ACSM6: variants seen among roughly 807,000 people sequenced by gnomAD.
ACSM6 encodes acyl-CoA synthetase medium chain family member 6.
Under a neutral mutation model 51.1 loss-of-function variants are expected in ACSM6, and 35 were observed. The ratio of observed to expected loss-of-function variants is 0.69; its 90% CI spans 0.52 to 0.91. The LOEUF is 0.91. Among genes scored for constraint, ACSM6 ranks in the 40% least tolerant of loss-of-function variants. The pLI is 0.00. For missense variants in ACSM6, 509 were observed against 584.1 expected (o/e 0.87, Z 1.32); for synonymous variants, 172 against 207.3 (o/e 0.83, Z 1.46).
At chr10:95,195,674 C>A (rs984542503) in intron 2 of ACSM6, among the ~76,000 whole-genome samples, 2 of 152,170 alleles carry the variant, frequency 1.3e-5, no homozygotes, top group Non-Finnish European at 2.9e-5. Context: ...TATCTGATTG[C>A]CCCTCTATTC....
chr10:95,203,602 C>T (rs1401252819), intron 3 of ACSM6, among the ~76,000 whole-genome samples: 4 of 152,058 alleles, frequency 2.6e-5, no homozygotes, highest in Non-Finnish European at 5.9e-5. Flanking sequence ...AATCCTCCAA[C>T]ATAAACAGGA....
At chr10:95,214,820 G>A (rs1352764002) in intron 7 of ACSM6, 32 bp from the exon 8 acceptor site, 40 of 1,547,198 alleles carry the variant, frequency 2.6e-5, no homozygotes, top group Non-Finnish European at 3.4e-5. Flanking sequence ...AATATTCCCT[G>A]AGGCTAAGAA....
chr10:95,207,306 A>G, exon 4 of ACSM6: 1 of 1,614,094 alleles, frequency 6.2e-7, no homozygotes, highest in Non-Finnish European at 8.5e-7. Context: ...TAATGAAGCT[A>G]TGGCCCCAGT....
chr10:95,201,935 C>A, intron 2 of ACSM6, 50 bp from the exon 3 acceptor site: 1 of 1,504,024 alleles, frequency 6.6e-7, no homozygotes, highest in South Asian at 1.2e-5. Flanking sequence ...CCTCCCATAG[C>A]CAATGTCCAT....
intron 7 of ACSM6, 36 bp from the exon 8 acceptor site, chr10:95,214,816 C>A: frequency 6.5e-7 from 1 of 1,546,052 alleles, no homozygotes; most frequent in South Asian, 1.2e-5. Flanking sequence ...TAGAAATATT[C>A]CCTGAGGCTA....
intron 3 of ACSM6, among the ~76,000 whole-genome samples, chr10:95,206,428 C>A (rs1321758272): frequency 6.6e-6 from 1 of 151,974 alleles, no homozygotes; most frequent in Non-Finnish European, 1.5e-5. Context: ...AGGTTGTTTC[C>A]ACATTTGGGC....
chr10:95,212,622 T>C (rs2034904112), intron 6 of ACSM6, among the ~76,000 whole-genome samples: 1 of 152,162 alleles, frequency 6.6e-6, no homozygotes, highest in African/African-American at 2.4e-5. Context: ...TGTGTATGCA[T>C]TCGGTTATCA....
intron 8 of ACSM6, 118 bp downstream of exon 8, chr10:95,215,093 G>A: frequency 8.0e-7 from 1 of 1,254,486 alleles, no homozygotes; most frequent in East Asian, 2.6e-5. Context: ...TTAAGCACAG[G>A]AAGAGGAAAT....
intron 10 of ACSM6, among the ~76,000 whole-genome samples, chr10:95,227,884 A>G (rs1047115107): frequency 3.3e-5 from 5 of 152,196 alleles, no homozygotes; most frequent in Non-Finnish European, 5.9e-5. Flanking sequence ...CCTGGCCAAC[A>G]TGGCAAAACC....
At chr10:95,217,994 T>C (rs972681058) in intron 8 of ACSM6, among the ~76,000 whole-genome samples, 1 of 152,204 alleles carries the variant, frequency 6.6e-6, no homozygotes, top group Non-Finnish European at 1.5e-5. Context: ...ATCCAAAGAG[T>C]TGACATTTTC....
exon 3 of ACSM6, chr10:95,202,011 C>T (rs1326226805): frequency 2.6e-6 from 4 of 1,551,708 alleles, no homozygotes; most frequent in Non-Finnish European, 3.5e-6. Context: ...CTTACCCCGC[C>T]CTCTGGAAGG....
chr10:95,198,605 C>T (rs1317065883), intron 2 of ACSM6, among the ~76,000 whole-genome samples: 2 of 150,190 alleles, frequency 1.3e-5, no homozygotes, highest in African/African-American at 2.5e-5. Context: ...GAGCTGAGAT[C>T]ATGCCACTGC....
exon 6 of ACSM6, chr10:95,211,901 C>T: frequency 6.2e-7 from 1 of 1,610,198 alleles, no homozygotes; most frequent in Non-Finnish European, 8.5e-7. Context: ...CTCCAGCCAA[C>T]AGATGTCTTG....
chr10:95,212,822 C>T, intron 6 of ACSM6, 36 bp from the exon 7 acceptor site: 2 of 1,504,758 alleles, frequency 1.3e-6, no homozygotes, highest in Non-Finnish European at 1.9e-6. Context: ...TCCCACCTCA[C>T]ATGCAGATTT....
At chr10:95,222,958 C>A (rs1320399687) in intron 9 of ACSM6, among the ~76,000 whole-genome samples, 3 of 149,594 alleles carry the variant, frequency 2.0e-5, no homozygotes, top group Non-Finnish European at 4.4e-5. Context: ...TATCTTCAAA[C>A]TCATCAAGTT....
At chr10:95,205,882 A>C (rs1435103199) in intron 3 of ACSM6, among the ~76,000 whole-genome samples, 1 of 152,182 alleles carries the variant, frequency 6.6e-6, no homozygotes, top group African/African-American at 2.4e-5. Flanking sequence ...ATAAGATGGC[A>C]ATCAGTGATA....
intron 2 of ACSM6, among the ~76,000 whole-genome samples, chr10:95,197,905 A>AC (rs1266051741): frequency 6.6e-6 from 1 of 152,244 alleles, no homozygotes; most frequent in Non-Finnish European, 1.5e-5. Context: ...TCCGCAGTGC[A>AC]CTGTGCCCCT....
Position 95,219,813 on chromosome 10 carries a change from G to A in ACSM6, c.1120-78G>A. ...GTTGTTCTGTTAGGAGGCACATAATGTCTGGTTATGATCAATAACTAGATC... is the reference window on the plus strand; with the variant it reads ...GTTGTTCTGTTAGGAGGCACATAATATCTGGTTATGATCAATAACTAGATC... On this transcript the variant is annotated intron_variant, in intron 8 of 10. Coordinates refer to ENST00000341686, the Ensembl canonical transcript of ACSM6. 3.7e-6 allele frequency: 4 copies of A among 1,075,118 alleles called. No individual in the cohort carries two copies. The South Asian group carries it at 4.0e-5, about 11-fold the overall frequency. 66.6% of individuals were successfully genotyped at this position (1,075,118 alleles called of 1,614,324 possible).
At chr10:95,220,099 A>G in intron 9 of ACSM6, 128 bp downstream of exon 9, 1 of 708,798 alleles carries the variant, frequency 1.4e-6, no homozygotes, top group South Asian at 1.8e-5. Flanking sequence ...CCCCAAGGAT[A>G]ATCTCACATT....
Sources: gnomAD v4.1 joint callset for allele counts (sites outside exome capture counted in the v4.1 genomes callset) on GRCh38, gnomAD v4.1.1 for gene constraint, MANE v1.5 for transcripts, NCBI Gene and HGNC (gene_info 2026-07-23, HGNC 2026-07-21) for gene names.